ZNF195: variants seen among roughly 807,000 people sequenced by gnomAD.
ZNF195 encodes hypoxia-regulated factor-1.
ZNF195 carries 11 observed loss-of-function variants against 19.5 expected under a neutral mutation model. The observed-to-expected ratio is 0.57, with a 90% confidence interval of 0.36 to 0.94. The LOEUF is 0.94. ZNF195 is among the 40% of genes least tolerant of loss of function. ZNF195 has a pLI of 0.01. For synonymous variants in ZNF195, 214 were observed against 248.1 expected (o/e 0.86, Z 1.29); for missense variants, 582 against 709.0 (o/e 0.82, Z 2.03).
At chr11:3,374,571 C>T (rs1297070081) in intron 1 of ZNF195, among the ~76,000 whole-genome samples, 2 of 152,200 alleles carry the variant, frequency 1.3e-5, no homozygotes, top group Non-Finnish European at 1.5e-5. Context: ...ACGGGGTGCT[C>T]GGATGTATGT....
intron 1 of ZNF195, among the ~76,000 whole-genome samples, chr11:3,378,254 G>C (rs1849563643): frequency 1.3e-5 from 2 of 152,082 alleles, no homozygotes; most frequent in African/African-American, 4.8e-5. Flanking sequence ...AGGTTGCAGT[G>C]AGCCGAGATC....
At chr11:3,371,239 G>A in intron 2 of ZNF195, 169 bp from the exon 3 acceptor site, 1 of 718,352 alleles carries the variant, frequency 1.4e-6, no homozygotes, top group South Asian at 2.2e-5. Context: ...AAATCTGTGG[G>A]TTCTTAGTTT....
intron 1 of ZNF195, among the ~76,000 whole-genome samples, chr11:3,372,545 A>G (rs1564926244): frequency 6.6e-6 from 1 of 152,196 alleles, no homozygotes; most frequent in African/African-American, 2.4e-5. Flanking sequence ...GCAAAGTTCA[A>G]GAGACAAATA....
intron 3 of ZNF195, chr11:3,368,711 C>A: frequency 2.8e-6 from 1 of 357,434 alleles, no homozygotes; most frequent in South Asian, 2.2e-5. Context: ...GGATGGTATG[C>A]GAACAGAGAG....
At chr11:3,373,724 C>A in intron 1 of ZNF195, 1 of 1,211,900 alleles carries the variant, frequency 8.3e-7, no homozygotes, top group Non-Finnish European at 1.2e-6. Context: ...CCACAACCAT[C>A]AACAGAAAGA....
intron 3 of ZNF195, among the ~76,000 whole-genome samples, chr11:3,364,984 A>G (rs1427326693): frequency 2.0e-5 from 3 of 152,230 alleles, no homozygotes; most frequent in East Asian, 1.9e-4. Flanking sequence ...AGTAACCACA[A>G]TCAGGTGGGG....
chr11:3,360,721 T>G lies in ZNF195; in HGVS notation c.441A>C (p.Leu147=). ...WFLEFRCIFS[L]AMSSHFTQDL... is the part of the protein sequence containing the mutation. The stretch of plus-strand genomic sequence containing the variant: ...ATAAACATATAAATGTAACAATACC[T>G]AGTGAGAAGATGCATCTGAACTCTA... Residue 147 remains leucine, a splice_region_variant and synonymous_variant, in exon 5 of 6, where the codon CTA becomes CTC. Coordinates refer to ENST00000399602, the MANE Select transcript of ZNF195 (RefSeq NM_001130520.3). 2 of 1,551,622 alleles carry G rather than the reference T, an allele frequency of 1.3e-6. No homozygotes were observed. Among genetic ancestry groups the G allele is most frequent in the Non-Finnish European group, 1.7e-6 (2 of 1,146,972 alleles).
At position 3,366,338 on chromosome 11, in the gene ZNF195, C is replaced by T. The variant is rs755119001; in HGVS notation, c.227-4449G>A. ...AGCAAATGCATAAGCAACAAAAGAA[C>T]AGAAAAACTGAACTACATCAAACTT... On this transcript the variant is annotated intron_variant, in intron 3 of 5. Coordinates refer to ENST00000399602, the MANE Select transcript of ZNF195 (RefSeq NM_001130520.3). 2.7e-5 allele frequency among the ~76,000 whole-genome samples: 4 copies of T among 146,560 alleles called. 1 individual carries two copies. Among genetic ancestry groups the T allele is most frequent in the Admixed American group, 1.4e-4 (2 of 14,776 alleles).
At chr11:3,370,884 A>C in intron 3 of ZNF195, 91 bp downstream of exon 3, 16 of 1,292,530 alleles carry the variant, frequency 1.2e-5, no homozygotes, top group Non-Finnish European at 1.8e-5. Flanking sequence ...CCACTAGGGC[A>C]GAGCTTCTCA....
In ZNF195 at chr11:3,358,041, G is replaced by C. The variant is rs1013364366; in HGVS notation, c.*1077C>G. ...GGGCCAGAACTAGGTCGGGGTGCGG[G>C]AGCTGAGTTGGGGGTGCAGGAGAAC... On this transcript the variant is annotated 3_prime_UTR_variant, in exon 6 of 6. Coordinates refer to ENST00000399602, the MANE Select transcript of ZNF195 (RefSeq NM_001130520.3). The C allele has an allele frequency of 3.3e-5, 5 of 152,068 alleles. No individual in the cohort carries two copies. Among genetic ancestry groups the C allele is most frequent in the Admixed American group, 2.0e-4 (3 of 15,274 alleles). The allele number at this position is 152,068 out of a possible 1,614,324, so 9.4% of individuals were successfully genotyped here.
chr11:3,359,635 C>G lies in ZNF195; in HGVS notation c.1373G>C (p.Arg458Thr). The G allele has an allele frequency of 1.2e-6, 2 of 1,614,002 alleles. No individual in the cohort carries two copies. Among genetic ancestry groups the G allele is most frequent in the Non-Finnish European group, 1.7e-6 (2 of 1,180,006 alleles). The change falls in exon 6 of 6, where the codon AGG (arginine) becomes ACG (threonine). Residue 458 changes from arginine (R) to threonine (T), a missense_variant. By Grantham distance (71) the Arg-to-Thr change is moderately conservative. This residue lies in a region of ZNF195 where 407 missense variants were observed against 530.5 expected (regional missense o/e 0.77). Coordinates refer to ENST00000399602, the MANE Select transcript of ZNF195 (RefSeq NM_001130520.3). This position sits in a 1 kb window ranked among gnomAD's most constrained non-coding sequence, Gnocchi z 5.5. The stretch of plus-strand genomic sequence containing the variant: ...GTAGGGTTTCTCTCCGGTGTGAATC[C>G]TCCTGTGTTCACTGAGGTGTGAGGA... The part of the protein sequence containing the change: ...TQSSHLSEHR[R>T]IHTGEKPYQC...
intron 1 of ZNF195, chr11:3,373,732 A>G (rs1849324462): frequency 9.4e-7 from 1 of 1,064,042 alleles, no homozygotes. Flanking sequence ...ATCAACAGAA[A>G]GACCAAGAAA....
At chr11:3,377,702 G>A in intron 1 of ZNF195, 4 of 1,139,712 alleles carry the variant, frequency 3.5e-6, no homozygotes, top group Non-Finnish European at 3.3e-6. Context: ...TCATACCTCA[G>A]GCTGTCCTCT....
chr11:3,361,991 G>A (rs1223098060), intron 3 of ZNF195, 102 bp from the exon 4 acceptor site: 8 of 439,282 alleles, frequency 1.8e-5, no homozygotes, highest in Admixed American at 1.7e-4. Flanking sequence ...CCTGGGAAGT[G>A]GAGGCCGCAG....
chr11:3,359,148 G>T lies in ZNF195; in HGVS notation c.1860C>A (p.His620Gln). Residue 620 changes from histidine (H) to glutamine (Q), a missense_variant, in exon 6 of 6, where the codon CAC becomes CAA. His to Gln is a conservative substitution (Grantham distance 24). Transcript: ENST00000399602. The surrounding 1 kb of genome is among the most constrained non-coding windows in gnomAD (Gnocchi z 5.5). Reference protein sequence around the residue: ...KCGKAFTQFSHLTVHESIHT With the variant: ...KCGKAFTQFSQLTVHESIHT ...TATGAATGCTTTCATGTACAGTCAGGTGTGAGAACTGGGTGAAGGCTTTGC... is the reference window on the plus strand; with the variant it reads ...TATGAATGCTTTCATGTACAGTCAGTTGTGAGAACTGGGTGAAGGCTTTGC... The T allele has an allele frequency of 6.3e-7, 1 of 1,596,858 alleles. No individual in the cohort carries two copies. Among genetic ancestry groups the T allele is most frequent in the East Asian group, 2.2e-5 (1 of 44,694 alleles).
At chr11:3,364,096 G>A (rs1848752861) in intron 3 of ZNF195, among the ~76,000 whole-genome samples, 1 of 151,956 alleles carries the variant, frequency 6.6e-6, no homozygotes, top group Non-Finnish European at 1.5e-5. Context: ...AAGAACAGGG[G>A]GAAAATAAAG....
At position 3,371,407 on chromosome 11, in the gene ZNF195, C is replaced by A. The variant is rs72848290; in HGVS notation, c.130+170G>T. ...GGAAGGTTTATGTCAAGATGAACCA[C>A]ATTTTGAAGATTTTTTTTTTTTTTA... On this transcript the variant is annotated intron_variant, in intron 2 of 5. Coordinates refer to ENST00000399602, the MANE Select transcript of ZNF195 (RefSeq NM_001130520.3). Among the ~76,000 whole-genome samples the A allele has an allele frequency of 2.2e-3, 247 of 113,776 alleles. 9 individuals are homozygous for A. In the East Asian group the frequency reaches 0.034, roughly 16 times the overall value. 74.6% of individuals were successfully genotyped at this position (113,776 alleles called of 152,430 possible).
intron 1 of ZNF195, among the ~76,000 whole-genome samples, chr11:3,376,476 CTT>C (rs1460412404): frequency 5.3e-5 from 8 of 152,246 alleles, no homozygotes; most frequent in Non-Finnish European, 1.2e-4. Context: ...CGATTGCTTT[CTT>C]TTGCAGACTC....
At chr11:3,377,998 G>T in intron 1 of ZNF195, 13 of 930,182 alleles carry the variant, frequency 1.4e-5, no homozygotes, top group Non-Finnish European at 1.7e-5. Context: ...ATTACAAACA[G>T]AAAACAAATC....
Sources: gnomAD v4.1 joint callset for allele counts (sites outside exome capture counted in the v4.1 genomes callset) on GRCh38, gnomAD v4.1.1 for gene constraint, gnomAD v4.1.1 regional missense constraint, Gnocchi (gnomAD v3.1) non-coding constraint, MANE v1.5 for transcripts, NCBI Gene and HGNC (gene_info 2026-07-23, HGNC 2026-07-21) for gene names.